Variants in AFDN observed in about 807,000 individuals in gnomAD.
AFDN encodes afadin, adherens junction formation factor, also known as afadin.
AFDN carries 68 observed loss-of-function variants against 216.6 expected under a neutral mutation model. That is an observed-to-expected ratio of 0.31 (90% CI 0.26 to 0.38). The LOEUF is 0.38. Among genes scored for constraint, AFDN ranks in the 10% least tolerant of loss-of-function variants. The pLI is 1.00. For synonymous variants in AFDN, 868 were observed against 853.7 expected (o/e 1.02, Z -0.29); for missense variants, 2,136 against 2,342.0 (o/e 0.91, Z 1.82).
intron 1 of AFDN, among the ~76,000 whole-genome samples, chr6:167,834,436 TTTG>T (rs201723927): frequency 6.5e-4 from 99 of 151,294 alleles, no homozygotes; most frequent in African/African-American, 2.3e-3. Context: ...TGGAATGATT[TTTG>T]TTGTTGTTGT....
In AFDN at chr6:167,969,834, A is replaced by C; in HGVS notation, c.5395A>C (p.Lys1799Gln). The change falls in exon 34 of 34, where the codon AAG (lysine) becomes CAG (glutamine). Residue 1799 changes from lysine (K) to glutamine (Q), a missense_variant. By Grantham distance (53) the Lys-to-Gln change is moderately conservative (BLOSUM62 1). This residue lies in a region of AFDN where 981 missense variants were observed against 966.0 expected (regional missense o/e 1.02). Coordinates refer to ENST00000683244, the MANE Select transcript of AFDN (RefSeq NM_001386888.1). ...TGGGGCCCCTGAAAACTTGACATTCAAGGAACGCCAGCGTCTTTTTTCACA... is the reference window on the plus strand; with the variant it reads ...TGGGGCCCCTGAAAACTTGACATTCCAGGAACGCCAGCGTCTTTTTTCACA... The part of the protein sequence containing the change: ...SSGAPENLTF[K>Q]ERQRLFSQGQ... The C allele has an allele frequency of 6.2e-7, 1 of 1,612,932 alleles. No individual in the cohort carries two copies. Among genetic ancestry groups the C allele is most frequent in the Non-Finnish European group, 8.5e-7 (1 of 1,179,684 alleles).
rs141301257 is a variant in AFDN at position 167,879,645 on chromosome 6, A to G, written c.740-715A>G. Among the ~76,000 whole-genome samples the G allele has an allele frequency of 1.9e-3, 295 of 152,380 alleles. 1 individual carries two copies. Among genetic ancestry groups the G allele is most frequent in the Middle Eastern group, 0.01 (3 of 294 alleles). ...AAAGTGACAATATTATGACATATAC[A>G]TGTAGATTTCCATTAAAAAGAAACA... On this transcript the variant is annotated intron_variant, in intron 5 of 33. Coordinates refer to ENST00000683244, the MANE Select transcript of AFDN (RefSeq NM_001386888.1).
At chr6:167,852,420 C>G (rs1782424984) in intron 1 of AFDN, among the ~76,000 whole-genome samples, 1 of 152,110 alleles carries the variant, frequency 6.6e-6, no homozygotes, top group Non-Finnish European at 1.5e-5. Flanking sequence ...TGACATGTTT[C>G]TCTAGCTTTA....
intron 20 of AFDN, among the ~76,000 whole-genome samples, chr6:167,917,503 G>A (rs530605861): frequency 2.2e-4 from 34 of 152,282 alleles, no homozygotes; most frequent in Non-Finnish European, 4.9e-4. Context: ...GGACTGTTGG[G>A]TTCCAGTGTA....
intron 23 of AFDN, among the ~76,000 whole-genome samples, chr6:167,931,235 T>G (rs953040242): frequency 3.3e-5 from 5 of 152,210 alleles, no homozygotes; most frequent in African/African-American, 1.2e-4. Flanking sequence ...AAGATGAATC[T>G]TGATTCTGTC....
intron 5 of AFDN, among the ~76,000 whole-genome samples, chr6:167,876,812 G>A (rs765921958): frequency 2.0e-5 from 3 of 151,912 alleles, no homozygotes; most frequent in Non-Finnish European, 4.4e-5. Flanking sequence ...TTGTATGTCA[G>A]TTAGCTTATG....
chr6:167,943,572 G>C (rs559718451), intron 25 of AFDN, 97 bp downstream of exon 25: 1 of 947,892 alleles, frequency 1.1e-6, no homozygotes, highest in Non-Finnish European at 1.7e-6. Context: ...ATGCTAAAAC[G>C]TGCTCATATT....
intron 5 of AFDN, among the ~76,000 whole-genome samples, chr6:167,879,016 T>C (rs1046862183): frequency 1.3e-5 from 2 of 152,190 alleles, no homozygotes; most frequent in African/African-American, 2.4e-5. Flanking sequence ...ATTTTAAAGG[T>C]ATTTATTTGT....
chr6:167,965,923 C>T lies in AFDN; in HGVS notation c.5135C>T (p.Pro1712Leu). The change falls in exon 32 of 34, where the codon CCT becomes CTT. Residue 1712 changes from proline to leucine, a missense_variant. Pro to Leu is a moderately conservative substitution (Grantham distance 98, BLOSUM62 -3). Coordinates refer to ENST00000683244, the MANE Select transcript of AFDN (RefSeq NM_001386888.1). ...PSPSPAPGAP[P>L]PPPQRNASYL... ...CCGTCCCCCGCGCCCGGCGCCCCTC[C>T]TCCCCCGCCTCAGCGAAACGCCTCC... 4 of 1,550,436 alleles carry T rather than the reference C, an allele frequency of 2.6e-6. No individual in the cohort carries two copies. The highest frequency in any genetic ancestry group is 3.5e-6 in the Non-Finnish European group (4 of 1,146,798).
chr6:167,962,488 A>T lies in AFDN; in HGVS notation c.4889A>T (p.Glu1630Val). 2 of 1,613,730 alleles carry T rather than the reference A, an allele frequency of 1.2e-6. No homozygotes were observed. The highest frequency in any genetic ancestry group is 2.7e-5 in the African/African-American group (2 of 75,018). Residue 1630 changes from glutamate to valine, a missense_variant, in exon 31 of 34, where the codon GAA becomes GTA. Transcript: ENST00000683244. This position sits in a 1 kb window ranked among gnomAD's most constrained non-coding sequence, Gnocchi z 5.2. Reference protein sequence around the residue: ...QQQLEEMRKREAEDRARQEEE... With the variant: ...QQQLEEMRKRVAEDRARQEEE... Reference sequence around the variant, plus strand: ...CAGTTAGAAGAGATGCGCAAGCGGGAAGCGGAAGACCGAGCGAGGCAAGAG... The same window carrying T: ...CAGTTAGAAGAGATGCGCAAGCGGGTAGCGGAAGACCGAGCGAGGCAAGAG...
intron 10 of AFDN, 109 bp from the exon 11 acceptor site, chr6:167,898,096 C>CT: frequency 1.7e-6 from 2 of 1,193,244 alleles, no homozygotes; most frequent in East Asian, 5.0e-5. Context: ...AAATCCAGAG[C>CT]TTATTAGGTT....
At chr6:167,952,541 C>CT (rs1796109995) in intron 30 of AFDN, 29 of 981,724 alleles carry the variant, frequency 3.0e-5, no homozygotes, top group Non-Finnish European at 3.3e-5. Flanking sequence ...CAAAATTTTT[C>CT]TTCCAGGGCC....
In AFDN at chr6:167,914,164, A is replaced by G; in HGVS notation, c.2059-4A>G. On this transcript the variant is annotated splice_polypyrimidine_tract_variant and splice_region_variant and intron_variant, in intron 16 of 33. Coordinates refer to ENST00000683244, the MANE Select transcript of AFDN (RefSeq NM_001386888.1). ...TTGCTTATGGAAGTGTGTTCTGTCT[A>G]CAGAAACAGAAGAATATTGCAGGGG... 6.2e-7 allele frequency: 1 copy of G among 1,613,646 alleles called. No homozygotes were observed. The highest frequency in any genetic ancestry group is 8.5e-7 in the Non-Finnish European group (1 of 1,179,750).
chr6:167,841,646 G>C (rs190912627), intron 1 of AFDN, among the ~76,000 whole-genome samples: 2 of 151,872 alleles, frequency 1.3e-5, no homozygotes, highest in South Asian at 2.1e-4. Context: ...TAGTTTTTTC[G>C]GTATCCTCTT....
chr6:167,914,312 A>C lies in AFDN; in HGVS notation c.2203A>C (p.Lys735Gln), dbSNP rs764231164. 8.7e-6 allele frequency: 14 copies of C among 1,610,416 alleles called. No individual in the cohort carries two copies. Among genetic ancestry groups the C allele is most frequent in the Non-Finnish European group, 1.2e-5 (14 of 1,178,060 alleles). Residue 735 changes from lysine to glutamine, a missense_variant and splice_region_variant, in exon 17 of 34, where the codon AAA becomes CAA. By Grantham distance (53) the Lys-to-Gln change is moderately conservative. This residue lies in a region of AFDN where 817 missense variants were observed against 965.7 expected (regional missense o/e 0.85). Transcript: ENST00000683244. ...VLAHLVQMAF[K>Q]YLVHCLQSEL... ...AGCACATTTGGTTCAAATGGCATTT[A>C]AGTAAGGAACACATTTTTGAAGGCG...
intron 11 of AFDN, 72 bp downstream of exon 11, chr6:167,898,539 C>T: frequency 7.1e-7 from 1 of 1,407,820 alleles, no homozygotes; most frequent in South Asian, 1.5e-5. Context: ...TCATAGATAT[C>T]TTGGCTTTTT....
At chr6:167,888,132 G>A (rs1787099704) in intron 6 of AFDN, among the ~76,000 whole-genome samples, 1 of 152,188 alleles carries the variant, frequency 6.6e-6, no homozygotes, top group South Asian at 2.1e-4. Flanking sequence ...AGAGATGAGT[G>A]AAGGTCAGAT....
At chr6:167,834,869 C>T in intron 1 of AFDN, among the ~76,000 whole-genome samples, 1 of 152,032 alleles carries the variant, frequency 6.6e-6, no homozygotes, top group Non-Finnish European at 1.5e-5. Context: ...GTGTTCCCAG[C>T]TTCTTGGGAG....
intron 1 of AFDN, among the ~76,000 whole-genome samples, chr6:167,847,088 C>T (rs1034375562): frequency 6.6e-5 from 10 of 152,126 alleles, no homozygotes; most frequent in Non-Finnish European, 1.3e-4. Context: ...TTTAACTTCA[C>T]GAAAACCACT....
Sources: gnomAD v4.1 joint callset for allele counts (sites outside exome capture counted in the v4.1 genomes callset) on GRCh38, gnomAD v4.1.1 for gene constraint, gnomAD v4.1.1 regional missense constraint, Gnocchi (gnomAD v3.1) non-coding constraint, MANE v1.5 for transcripts, NCBI Gene and HGNC (gene_info 2026-07-23, HGNC 2026-07-21) for gene names.